The following LRP1B variants were observed in gnomAD, a reference collection of about 807,000 sequenced individuals.
The protein encoded by LRP1B is LDL receptor related protein 1B, also known as low-density lipoprotein receptor-related protein 1B.
A neutral mutation model predicts 556.6 loss-of-function variants in LRP1B; 217 were observed. The ratio of observed to expected loss-of-function variants is 0.39; its 90% confidence interval spans 0.35 to 0.44. The LOEUF is 0.44. LRP1B is among the 20% of genes least tolerant of loss of function. LRP1B has a pLI of 1.00. For synonymous variants in LRP1B, 2,047 were observed against 1,865.8 expected, an observed-to-expected ratio of 1.10 and a Z score of -2.50; for missense variants, 5,053 against 5,620.8, an observed-to-expected ratio of 0.90 and a Z score of 3.23.
intron 41 of LRP1B, among the ~76,000 whole-genome samples, chr2:140,649,345 ATCCC>A (rs1684594183): frequency 1.3e-5 from 2 of 152,140 alleles, no homozygotes; most frequent in African/African-American, 4.8e-5. Context: ...TCTGTTCTTC[ATCCC>A]TAGCACTATT....
rs73964823 is a variant in LRP1B at position 141,866,386 on chromosome 2, T to C, written c.83-55985A>G. On this transcript the variant is annotated intron_variant, in intron 1 of 90. Transcript: ENST00000389484. ...TAATGAATTTGTAAAGAACAAAACA[T>C]TTAAAAAGTAAAAATTACTAACAAA... is the stretch of plus-strand genomic sequence containing the variant. 1.9e-3 allele frequency among the ~76,000 whole-genome samples: 283 copies of C among 152,290 alleles called. 1 individual carries two copies. Among genetic ancestry groups the C allele is most frequent in the African/African-American group, 6.7e-3 (278 of 41,570 alleles).
intron 32 of LRP1B, among the ~76,000 whole-genome samples, chr2:140,782,853 C>T (rs972078122): frequency 7.2e-5 from 11 of 151,918 alleles, no homozygotes; most frequent in African/African-American, 1.7e-4. Flanking sequence ...GTCATAAAAG[C>T]GATATGATGT....
chr2:140,857,282 C>T (rs985118707), intron 27 of LRP1B, among the ~76,000 whole-genome samples: 1 of 152,096 alleles, frequency 6.6e-6, no homozygotes, highest in Non-Finnish European at 1.5e-5. Flanking sequence ...TTCTCCCTCC[C>T]ATGTAGTCAT....
intron 3 of LRP1B, among the ~76,000 whole-genome samples, chr2:141,451,620 A>T (rs1681424660): frequency 6.6e-6 from 1 of 152,286 alleles, no homozygotes; most frequent in Admixed American, 6.5e-5. Flanking sequence ...CATAGAAGTT[A>T]TACGTTATAA....
chr2:140,535,103 A>G (rs1308639101), intron 46 of LRP1B, among the ~76,000 whole-genome samples: 1 of 152,154 alleles, frequency 6.6e-6, no homozygotes, highest in Non-Finnish European at 1.5e-5. Context: ...AAAGGATGGT[A>G]AATAATAAAC....
rs553612201 is a variant in LRP1B, at chr2:141,941,573, G to C, written c.83-131172C>G. Among the ~76,000 whole-genome samples the C allele has an allele frequency of 2.0e-5, 3 of 152,276 alleles. No homozygotes were observed. The East Asian group carries it at 5.8e-4, about 29-fold the overall frequency. ...AAAGTAGAGGTTAGCAGCTCAGCTT[G>C]GTTAGGATGGGAAAGGAAGATGCAT... On this transcript the variant is annotated intron_variant, in intron 1 of 90. Coordinates refer to ENST00000389484, the MANE Select transcript of LRP1B (RefSeq NM_018557.3).
At chr2:140,278,334 A>AT (rs1682771545) in intron 84 of LRP1B, among the ~76,000 whole-genome samples, 1 of 151,960 alleles carries the variant, frequency 6.6e-6, no homozygotes, top group African/African-American at 2.4e-5. Context: ...TTTACTTGTG[A>AT]TTTTTAAACT....
intron 1 of LRP1B, among the ~76,000 whole-genome samples, chr2:142,035,280 A>G (rs1703839354): frequency 6.6e-6 from 1 of 151,706 alleles, no homozygotes; most frequent in Non-Finnish European, 1.5e-5. Flanking sequence ...TGCAGATGCT[A>G]TATTAAGAAA....
rs575106755 is a variant in LRP1B, at chr2:141,254,352, C to T, written c.463+170G>A. 4.6e-5 allele frequency among the ~76,000 whole-genome samples: 7 copies of T among 152,106 alleles called. No homozygotes were observed. In the East Asian group the frequency reaches 1.4e-3, roughly 29 times the overall value. On this transcript the variant is annotated intron_variant, in intron 4 of 90. Coordinates refer to ENST00000389484, the MANE Select transcript of LRP1B (RefSeq NM_018557.3). ...AAAATTGAAATTTGAGAGTCATAAA[C>T]TTATAATAATGTTTATGTTTTTGTT...
At chr2:141,050,761 C>A (rs994247774) in intron 10 of LRP1B, among the ~76,000 whole-genome samples, 1 of 152,086 alleles carries the variant, frequency 6.6e-6, no homozygotes, top group Non-Finnish European at 1.5e-5. Flanking sequence ...GCAATTGCAA[C>A]AAAAGCCAAA....
At chr2:140,355,468 C>A (rs144153467) in intron 75 of LRP1B, among the ~76,000 whole-genome samples, 1 of 151,892 alleles carries the variant, frequency 6.6e-6, no homozygotes, top group African/African-American at 2.4e-5. Context: ...ATAAACATGA[C>A]GTGACTACAC....
At chr2:140,658,800 T>C (rs896770916) in intron 41 of LRP1B, among the ~76,000 whole-genome samples, 12 of 152,024 alleles carry the variant, frequency 7.9e-5, no homozygotes, top group Admixed American at 6.6e-4. Flanking sequence ...AGATAATAGG[T>C]TGTTTATGTA....
At chr2:140,378,520 C>A (rs377412156) in intron 67 of LRP1B, among the ~76,000 whole-genome samples, 3 of 152,022 alleles carry the variant, frequency 2.0e-5, no homozygotes, top group Non-Finnish European at 4.4e-5. Context: ...CAAGTTGGAA[C>A]GTAGGACAAA....
intron 86 of LRP1B, chr2:140,269,306 C>A (rs1449542443): frequency 2.1e-6 from 1 of 471,014 alleles, no homozygotes; most frequent in South Asian, 1.5e-5. Flanking sequence ...AAGTGCAAAT[C>A]CCCTCATTCT....
chr2:141,268,280 C>T (rs1684963564), intron 3 of LRP1B, among the ~76,000 whole-genome samples: 2 of 152,098 alleles, frequency 1.3e-5, no homozygotes, highest in Admixed American at 6.5e-5. Flanking sequence ...GATAAAGAGA[C>T]TAGGCAGGAA....
At chr2:140,521,164 G>C (rs752732141) in intron 49 of LRP1B, among the ~76,000 whole-genome samples, 4 of 151,986 alleles carry the variant, frequency 2.6e-5, no homozygotes, top group Non-Finnish European at 5.9e-5. Context: ...AATCTTGCTA[G>C]AGAAATCAAC....
chr2:141,914,808 C>T (rs562888940), intron 1 of LRP1B, among the ~76,000 whole-genome samples: 1 of 152,160 alleles, frequency 6.6e-6, no homozygotes, highest in African/African-American at 2.4e-5. Flanking sequence ...GTGAAGATGT[C>T]TACAAGAAGA....
intron 1 of LRP1B, among the ~76,000 whole-genome samples, chr2:141,832,241 G>A (rs145904663): frequency 3.4e-5 from 5 of 148,676 alleles, no homozygotes; most frequent in South Asian, 2.1e-4. Context: ...GTACAATTAC[G>A]GTTTCTTCAA....
chr2:140,740,142 C>A (rs2104864876), intron 35 of LRP1B, among the ~76,000 whole-genome samples: 1 of 152,224 alleles, frequency 6.6e-6, no homozygotes, highest in Middle Eastern at 3.4e-3. Flanking sequence ...AGTAGAACTA[C>A]CATCTGATCC....
Sources: gnomAD v4.1 joint callset for allele counts (sites outside exome capture counted in the v4.1 genomes callset) on GRCh38, gnomAD v4.1.1 for gene constraint, MANE v1.5 for transcripts, NCBI Gene and HGNC (gene_info 2026-07-23, HGNC 2026-07-21) for gene names.